CDH13: variants seen among roughly 807,000 people sequenced by gnomAD.
CDH13 encodes the protein cadherin-13.
A neutral mutation model predicts 63.8 loss-of-function variants in CDH13; 24 were observed. The ratio of observed to expected loss-of-function variants is 0.38; its 90% CI spans 0.27 to 0.53. The LOEUF (loss-of-function observed/expected upper bound fraction) is 0.53, where lower values mean the gene tolerates loss of function less well. Among genes scored for constraint, CDH13 ranks in the 20% least tolerant of loss-of-function variants. The pLI, the probability that CDH13 is intolerant of heterozygous loss-of-function variation, is 0.85. For synonymous variants in CDH13, 503 were observed against 355.3 expected (o/e 1.42, Z -4.67); for missense variants, 1,049 against 903.1 (o/e 1.16, Z -2.07).
intron 2 of CDH13, among the ~76,000 whole-genome samples, chr16:82,942,092 T>G (rs1904294501): frequency 6.6e-6 from 1 of 152,216 alleles, no homozygotes. Flanking sequence ...TTGCTTCTTG[T>G]GTCCTGTTTA....
intron 2 of CDH13, among the ~76,000 whole-genome samples, chr16:82,995,916 G>T (rs578154648): frequency 7.2e-5 from 11 of 152,218 alleles, no homozygotes; most frequent in African/African-American, 2.6e-4. Context: ...TTTACACAGT[G>T]GCAAGAGGAA....
intron 7 of CDH13, among the ~76,000 whole-genome samples, chr16:83,524,803 C>G (rs555085426): frequency 6.6e-6 from 1 of 152,090 alleles, no homozygotes; most frequent in African/African-American, 2.4e-5. Flanking sequence ...CTTGGCAAAC[C>G]TGTAGCACTG....
At chr16:82,696,855 A>G (rs1485743263) in intron 1 of CDH13, among the ~76,000 whole-genome samples, 2 of 152,242 alleles carry the variant, frequency 1.3e-5, no homozygotes, top group Middle Eastern at 6.3e-3. Context: ...TGGTTGAAAT[A>G]GGAGTCATCT....
At chr16:83,531,947 A>T (rs1289228337) in intron 7 of CDH13, among the ~76,000 whole-genome samples, 1 of 152,116 alleles carries the variant, frequency 6.6e-6, no homozygotes, top group Non-Finnish European at 1.5e-5. Context: ...CTCATCTTTA[A>T]TTTTAGCTCC....
At chr16:83,379,026 C>CACACACGT (rs138642980) in intron 6 of CDH13, among the ~76,000 whole-genome samples, 1 of 149,390 alleles carries the variant, frequency 6.7e-6, no homozygotes, top group African/African-American at 2.4e-5. Context: ...CACACACACA[C>CACACACGT]GTGTGTGTAT....
At chr16:83,511,820 C>T (rs952429836) in intron 7 of CDH13, among the ~76,000 whole-genome samples, 20 of 152,056 alleles carry the variant, frequency 1.3e-4, no homozygotes, top group African/African-American at 2.2e-4. Context: ...GAAATAAGCC[C>T]GACACCCATA....
intron 1 of CDH13, among the ~76,000 whole-genome samples, chr16:82,633,903 C>G (rs992724173): frequency 2.6e-5 from 4 of 152,154 alleles, no homozygotes; most frequent in Non-Finnish European, 4.4e-5. Flanking sequence ...CTACAGACCC[C>G]AAAGATCAGA....
intron 1 of CDH13, among the ~76,000 whole-genome samples, chr16:82,797,793 G>C (rs1031734728): frequency 6.6e-6 from 1 of 151,422 alleles, no homozygotes; most frequent in African/African-American, 2.4e-5. Flanking sequence ...GTGTGTGTGT[G>C]TGTGTGTGTG....
intron 5 of CDH13, among the ~76,000 whole-genome samples, chr16:83,303,089 C>T (rs549958560): frequency 1.3e-5 from 2 of 152,284 alleles, no homozygotes; most frequent in South Asian, 4.2e-4. Flanking sequence ...AGACAAGGGG[C>T]ATCTCTTTTA....
At chr16:83,347,926 T>A (rs2090872897) in intron 6 of CDH13, among the ~76,000 whole-genome samples, 1 of 152,158 alleles carries the variant, frequency 6.6e-6, no homozygotes, top group African/African-American at 2.4e-5. Flanking sequence ...GTGGAGTGGC[T>A]CAAGCCTGTA....
chr16:82,701,862 C>T (rs1380157476), intron 1 of CDH13, among the ~76,000 whole-genome samples: 1 of 152,200 alleles, frequency 6.6e-6, no homozygotes. Context: ...GTCACCTCCC[C>T]TCTTCTGAAG....
intron 4 of CDH13, among the ~76,000 whole-genome samples, chr16:83,133,740 C>A (rs1480935145): frequency 6.6e-6 from 1 of 152,194 alleles, no homozygotes; most frequent in Non-Finnish European, 1.5e-5. Flanking sequence ...CTCAAGTGAT[C>A]CACCTGCCTC....
chr16:83,444,183 A>C (rs1233384884), intron 6 of CDH13, among the ~76,000 whole-genome samples: 1 of 152,134 alleles, frequency 6.6e-6, no homozygotes, highest in Non-Finnish European at 1.5e-5. Flanking sequence ...TGATGATGGC[A>C]ACAGTGATGA....
intron 2 of CDH13, among the ~76,000 whole-genome samples, chr16:82,996,397 G>C (rs1460116499): frequency 1.3e-5 from 2 of 152,104 alleles, no homozygotes; most frequent in African/African-American, 4.8e-5. Context: ...ATACTTCTTT[G>C]TGTGAAGATC....
At chr16:83,307,895 G>C (rs952389036) in intron 5 of CDH13, among the ~76,000 whole-genome samples, 8 of 152,146 alleles carry the variant, frequency 5.3e-5, no homozygotes, top group Non-Finnish European at 1.0e-4. Context: ...TCCATGCTGA[G>C]ATCTATGAAG....
At chr16:83,097,659 G>C (rs1255018918) in intron 3 of CDH13, among the ~76,000 whole-genome samples, 1 of 152,176 alleles carries the variant, frequency 6.6e-6, no homozygotes, top group East Asian at 1.9e-4. Flanking sequence ...CATCTTTAGA[G>C]TTTATGTGGG....
At chr16:82,884,160 G>T (rs767139077) in intron 2 of CDH13, 4 of 455,278 alleles carry the variant, frequency 8.8e-6, no homozygotes, top group South Asian at 4.7e-5. Context: ...CTTTCCTTAT[G>T]CTGTTTCTTT....
intron 1 of CDH13, among the ~76,000 whole-genome samples, chr16:82,832,001 C>G (rs796972913): frequency 6.6e-6 from 1 of 152,174 alleles, no homozygotes; most frequent in East Asian, 1.9e-4. Context: ...CGCTTGGAAG[C>G]CAAAGCAAAG....
intron 4 of CDH13, among the ~76,000 whole-genome samples, chr16:83,146,959 A>G (rs1281770808): frequency 6.6e-6 from 1 of 152,114 alleles, no homozygotes; most frequent in Non-Finnish European, 1.5e-5. Flanking sequence ...GTGGTGGCAC[A>G]CACTTGTAAT....
Sources: gnomAD v4.1 joint callset for allele counts (sites outside exome capture counted in the v4.1 genomes callset) on GRCh38, gnomAD v4.1.1 for gene constraint, MANE v1.5 for transcripts, NCBI Gene and HGNC (gene_info 2026-07-23, HGNC 2026-07-21) for gene names.